LNPEP: variants seen among roughly 807,000 people sequenced by gnomAD.
The protein encoded by LNPEP is leucyl and cystinyl aminopeptidase.
Under a neutral mutation model 120.6 loss-of-function variants are expected in LNPEP, and 64 were observed. That is an observed-to-expected ratio of 0.53 (90% CI 0.43 to 0.65). The LOEUF (loss-of-function observed/expected upper bound fraction) is 0.65. Among genes scored for constraint, LNPEP ranks in the 30% least tolerant of loss-of-function variants. The pLI is 0.00. For missense variants in LNPEP, 1,057 were observed against 1,200.0 expected (o/e 0.88, Z 1.76); for synonymous variants, 435 against 425.4 (o/e 1.02, Z -0.28).
chr5:97,012,227 A>G (rs1251872888), intron 11 of LNPEP, among the ~76,000 whole-genome samples: 1 of 152,168 alleles, frequency 6.6e-6, no homozygotes, highest in Admixed American at 6.5e-5. Context: ...TAGGTGAAAA[A>G]GGATAAAATA....
intron 1 of LNPEP, among the ~76,000 whole-genome samples, chr5:96,959,933 C>CTTTT (rs11316262): frequency 1.8e-4 from 20 of 113,156 alleles, no homozygotes; most frequent in East Asian, 2.5e-4. Flanking sequence ...TAAAATTTAT[C>CTTTT]TTTTTTTTTT....
In LNPEP at chr5:97,007,669, A is replaced by G. The variant is rs540685244; in HGVS notation, c.2035+1154A>G. Among the ~76,000 whole-genome samples, 184 of 152,324 alleles carry G rather than the reference A, an allele frequency of 1.2e-3. 1 individual carries two copies. Among genetic ancestry groups the G allele is most frequent in the African/African-American group, 4.2e-3 (176 of 41,564 alleles). On this transcript the variant is annotated intron_variant, in intron 11 of 17. Transcript: ENST00000231368. ...ATATTTGTACTTAGTCAAAATCATT[A>G]TGTATATATGATTTCTGTATCTTGC...
chr5:96,991,505 C>G (rs1466243458), intron 4 of LNPEP, among the ~76,000 whole-genome samples: 3 of 152,020 alleles, frequency 2.0e-5, no homozygotes, highest in African/African-American at 7.2e-5. Flanking sequence ...GCCATTTTTA[C>G]CAGGAGTAAG....
At chr5:96,971,537 C>T (rs1789862912) in intron 1 of LNPEP, among the ~76,000 whole-genome samples, 2 of 151,936 alleles carry the variant, frequency 1.3e-5, no homozygotes, top group Admixed American at 1.3e-4. Context: ...ACATGTTAGA[C>T]TGTCTGATAC....
chr5:96,996,290 A>G, intron 6 of LNPEP, 100 bp from the exon 7 acceptor site: 1 of 685,608 alleles, frequency 1.5e-6, no homozygotes, highest in Non-Finnish European at 2.6e-6. Flanking sequence ...AAGATATTGT[A>G]ATCAGGTTAT....
Position 97,027,930 on chromosome 5 carries a change from T to G in LNPEP, c.2946+116T>G, listed in dbSNP as rs1044134320. 6.8e-5 allele frequency: 46 copies of G among 681,010 alleles called. No homozygotes were observed. In the East Asian group the frequency reaches 1.1e-3, roughly 16 times the overall value. 42.2% of individuals were successfully genotyped at this position (681,010 alleles called of 1,614,324 possible). Reference sequence around the variant, plus strand: ...ATGCTAATTCCTTCTCTTATCTCTGTCTTCCTTTATCAGTACTAATGATTC... The same window carrying G: ...ATGCTAATTCCTTCTCTTATCTCTGGCTTCCTTTATCAGTACTAATGATTC... On this transcript the variant is annotated intron_variant, in intron 17 of 17. Transcript: ENST00000231368.
intron 1 of LNPEP, among the ~76,000 whole-genome samples, chr5:96,946,560 A>G (rs1789189765): frequency 6.6e-6 from 1 of 152,244 alleles, no homozygotes; most frequent in Admixed American, 6.5e-5. Flanking sequence ...GAATTTATGC[A>G]TAGAATCTTG....
At chr5:96,987,006 T>A (rs989771088) in intron 4 of LNPEP, among the ~76,000 whole-genome samples, 1 of 152,166 alleles carries the variant, frequency 6.6e-6, no homozygotes, top group Admixed American at 6.5e-5. Flanking sequence ...TAAATACAAT[T>A]TAAAATTCAC....
chr5:97,007,095 C>T (rs1013023644), intron 11 of LNPEP, among the ~76,000 whole-genome samples: 1 of 152,130 alleles, frequency 6.6e-6, no homozygotes, highest in Non-Finnish European at 1.5e-5. Context: ...AATTTTGGGC[C>T]ATTTGTTAAA....
intron 1 of LNPEP, 79 bp from the exon 2 acceptor site, chr5:96,979,059 A>G (rs1232026212): frequency 1.1e-5 from 16 of 1,471,268 alleles, no homozygotes; most frequent in Non-Finnish European, 1.2e-5. Flanking sequence ...AATGTGGTCT[A>G]GGTAGAAGAC....
At chr5:96,969,596 AG>A (rs1186767705) in intron 1 of LNPEP, among the ~76,000 whole-genome samples, 4 of 152,080 alleles carry the variant, frequency 2.6e-5, no homozygotes, top group African/African-American at 9.7e-5. Flanking sequence ...GAGATGCACC[AG>A]GACAATGGTA....
At chr5:97,023,591 T>C (rs540657306) in intron 14 of LNPEP, among the ~76,000 whole-genome samples, 4 of 152,298 alleles carry the variant, frequency 2.6e-5, no homozygotes, top group Admixed American at 6.5e-5. Flanking sequence ...TAATTTTCCA[T>C]TGTATGTATA....
intron 14 of LNPEP, among the ~76,000 whole-genome samples, chr5:97,023,484 C>T (rs1225152236): frequency 6.6e-6 from 1 of 152,122 alleles, no homozygotes; most frequent in Non-Finnish European, 1.5e-5. Flanking sequence ...GAACTCCTGA[C>T]CTCAGAAAAT....
chr5:96,996,413 G>T lies in LNPEP; in HGVS notation c.1431G>T (p.Met477Ile), dbSNP rs1474967229. The stretch of plus-strand genomic sequence containing the variant: ...AGTGGTTTGGCAATCTGGTAACAAT[G>T]AAGTGGTGGAATGACCTATGGCTAA... ...AHQWFGNLVT[M>I]KWWNDLWLNE... is the part of the protein sequence containing the mutation. Residue 477 changes from methionine (M) to isoleucine (I), a missense_variant, in exon 7 of 18, where the codon ATG becomes ATT. Physicochemically the swap from Met to Ile is conservative, Grantham distance 10. Transcript: ENST00000231368. The T allele has an allele frequency of 1.9e-6, 3 of 1,609,646 alleles. No individual in the cohort carries two copies. The highest frequency in any genetic ancestry group is 2.6e-6 in the Non-Finnish European group (3 of 1,176,208).
chr5:97,012,042 C>T (rs895367178), intron 11 of LNPEP, among the ~76,000 whole-genome samples: 3 of 152,010 alleles, frequency 2.0e-5, no homozygotes, highest in African/African-American at 7.3e-5. Context: ...AGGTTGAAAA[C>T]ATATTTATAA....
At chr5:96,939,866 GTC>G (rs1292793930) in intron 1 of LNPEP, among the ~76,000 whole-genome samples, 2 of 151,680 alleles carry the variant, frequency 1.3e-5, no homozygotes, top group Non-Finnish European at 2.9e-5. Flanking sequence ...AGATATGTGA[GTC>G]TTTTTAAAAA....
intron 1 of LNPEP, among the ~76,000 whole-genome samples, chr5:96,961,200 C>T (rs1057478242): frequency 2.0e-5 from 3 of 152,232 alleles, no homozygotes; most frequent in African/African-American, 7.2e-5. Flanking sequence ...AAAAAACTGT[C>T]TACCATGCAA....
chr5:97,016,693 A>T (rs1052539601), intron 13 of LNPEP, among the ~76,000 whole-genome samples: 1 of 152,134 alleles, frequency 6.6e-6, no homozygotes, highest in Admixed American at 6.5e-5. Context: ...GCCCACATCT[A>T]GTTGTTCTCC....
chr5:96,986,723 AC>A (rs1790253194), intron 4 of LNPEP, 53 bp downstream of exon 4: 3 of 1,536,586 alleles, frequency 2.0e-6, no homozygotes, highest in Non-Finnish European at 2.7e-6. Flanking sequence ...GGCTCAGAGG[AC>A]CTCTTGCTTT....
Sources: allele counts gnomAD v4.1 joint callset (sites outside exome capture counted in the v4.1 genomes callset), GRCh38; gene constraint gnomAD v4.1.1; transcripts MANE v1.5; gene names NCBI Gene and HGNC (gene_info 2026-07-23, HGNC 2026-07-21).